TMEM117: variants seen among roughly 807,000 people sequenced by gnomAD.
The protein encoded by TMEM117 is transmembrane protein 117.
In TMEM117, 27 loss-of-function variants were observed where a neutral mutation model predicts 52.4. The ratio of observed to expected loss-of-function variants is 0.51; its 90% CI spans 0.38 to 0.71. The LOEUF (loss-of-function observed/expected upper bound fraction) is 0.71. TMEM117 is among the 30% of genes least tolerant of loss of function. TMEM117 has a pLI of 0.00. For missense variants in TMEM117, 556 were observed against 630.5 expected (o/e 0.88, Z 1.26); for synonymous variants, 215 against 206.3 (o/e 1.04, Z -0.36).
intron 6 of TMEM117, among the ~76,000 whole-genome samples, chr12:44,305,417 A>G (rs562364940): frequency 6.2e-4 from 95 of 152,278 alleles, no homozygotes; most frequent in African/African-American, 2.1e-3. Flanking sequence ...ACAGAGGTCT[A>G]ATATCTAGAA....
chr12:43,941,220 A>G (rs1945039540), intron 2 of TMEM117, among the ~76,000 whole-genome samples: 1 of 152,206 alleles, frequency 6.6e-6, no homozygotes, highest in African/African-American at 2.4e-5. Flanking sequence ...TCAGAAATGT[A>G]TCCCTCTTAG....
At chr12:43,891,898 G>T (rs1040793609) in intron 2 of TMEM117, among the ~76,000 whole-genome samples, 1 of 151,930 alleles carries the variant, frequency 6.6e-6, no homozygotes, top group South Asian at 2.1e-4. Context: ...AAACTGTCCC[G>T]TGGAAAATAT....
chr12:43,888,826 G>A (rs1379212823), intron 2 of TMEM117, among the ~76,000 whole-genome samples: 1 of 152,046 alleles, frequency 6.6e-6, no homozygotes, highest in East Asian at 1.9e-4. Flanking sequence ...GGGATTACAG[G>A]TGTGAGCCAC....
intron 2 of TMEM117, among the ~76,000 whole-genome samples, chr12:43,893,508 C>CAAAA (rs1944144912): frequency 6.6e-6 from 1 of 152,162 alleles, no homozygotes; most frequent in East Asian, 1.9e-4. Flanking sequence ...CTGCCTTTTT[C>CAAAA]AGTGCATATT....
At chr12:44,028,327 G>A (rs1946577299) in intron 3 of TMEM117, among the ~76,000 whole-genome samples, 1 of 152,166 alleles carries the variant, frequency 6.6e-6, no homozygotes, top group African/African-American at 2.4e-5. Context: ...TAAGCTTAAC[G>A]TTATTTTGTC....
chr12:44,015,085 A>G (rs1220991797), intron 3 of TMEM117, among the ~76,000 whole-genome samples: 1 of 152,164 alleles, frequency 6.6e-6, no homozygotes, highest in Non-Finnish European at 1.5e-5. Context: ...GATTTGAGAC[A>G]CAGATGATGT....
At chr12:44,265,716 C>T (rs1012670497) in intron 5 of TMEM117, among the ~76,000 whole-genome samples, 1 of 152,132 alleles carries the variant, frequency 6.6e-6, no homozygotes, top group African/African-American at 2.4e-5. Context: ...ATTTTCATCA[C>T]TCCAAAAGAA....
At chr12:43,816,430 C>T in the TMEM117 span, among the ~76,000 whole-genome samples, 55 of 152,234 alleles carry the variant, frequency 3.6e-4, no homozygotes, top group South Asian at 6.2e-4. Context: ...TTACTCACCT[C>T]CTGTCCACTA....
rs149086746 is a variant in TMEM117 at position 43,983,404 on chromosome 12, G to T, written c.410+39062G>T. On this transcript the variant is annotated intron_variant, in intron 3 of 7. Coordinates refer to ENST00000266534, the MANE Select transcript of TMEM117 (RefSeq NM_032256.3). ...AGGAAGAGGGCCATGTAGGGTCATG[G>T]ATACAGCGAGGTGTAATACACTAGG... 3.4e-4 allele frequency among the ~76,000 whole-genome samples: 51 copies of T among 152,098 alleles called. 2 individuals are homozygous for T. Among genetic ancestry groups the T allele is most frequent in the African/African-American group, 1.1e-3 (47 of 41,542 alleles).
At position 43,844,639 on chromosome 12, in the gene TMEM117, G is replaced by A; in HGVS notation, c.-13G>A. On this transcript the variant is annotated 5_prime_UTR_variant, in exon 2 of 8. Coordinates refer to ENST00000266534, the MANE Select transcript of TMEM117 (RefSeq NM_032256.3). ...TCTTATACAGGTAAACTACGAACTG[G>A]GAGTTCTGAAGAATGGGTAAAGACT... The A allele has an allele frequency of 1.2e-6, 2 of 1,609,520 alleles. No homozygotes were observed. Among genetic ancestry groups the A allele is most frequent in the Admixed American group, 3.4e-5 (2 of 59,224 alleles).
At chr12:43,950,709 C>G (rs534914927) in intron 3 of TMEM117, among the ~76,000 whole-genome samples, 2 of 152,288 alleles carry the variant, frequency 1.3e-5, no homozygotes, top group East Asian at 3.9e-4. Context: ...CAAGCATGTG[C>G]ACTAACAGAC....
chr12:44,253,835 TACACACACAC>T (rs10565033), intron 5 of TMEM117, among the ~76,000 whole-genome samples: 3,527 of 136,312 alleles, frequency 0.026, 97 homozygotes, highest in African/African-American at 0.065. Context: ...TGATAATTCC[TACACACACAC>T]ACACACACAC....
At chr12:43,972,212 A>G (rs1945599159) in intron 3 of TMEM117, among the ~76,000 whole-genome samples, 1 of 152,224 alleles carries the variant, frequency 6.6e-6, no homozygotes, top group Non-Finnish European at 1.5e-5. Flanking sequence ...CATGCATTTC[A>G]TAATAAGGCA....
rs117181959 is a variant in TMEM117, at chr12:44,144,653, A to G, written c.510+1029A>G. Among the ~76,000 whole-genome samples, 234 of 152,342 alleles carry G rather than the reference A, an allele frequency of 1.5e-3. 2 individuals are homozygous for G. In the East Asian group the frequency reaches 0.036, roughly 23 times the overall value. ...ACTGCTCCTACTGAGAACATCCAGG[A>G]AGAGTATCAAGTAACTACCAAAGGG... On this transcript the variant is annotated intron_variant, in intron 4 of 7. Transcript: ENST00000266534.
chr12:44,190,853 C>T (rs997825464), intron 4 of TMEM117, among the ~76,000 whole-genome samples: 1 of 149,128 alleles, frequency 6.7e-6, no homozygotes, highest in Admixed American at 6.7e-5. Flanking sequence ...TGTGCACTCT[C>T]TCTCTATATA....
chr12:43,859,656 C>T (rs1943456376), intron 2 of TMEM117, among the ~76,000 whole-genome samples: 3 of 151,970 alleles, frequency 2.0e-5, no homozygotes. Flanking sequence ...TATAACTGAC[C>T]TCAAGTGATC....
At chr12:43,868,671 A>G (rs1943652029) in intron 2 of TMEM117, among the ~76,000 whole-genome samples, 1 of 152,084 alleles carries the variant, frequency 6.6e-6, no homozygotes, top group Non-Finnish European at 1.5e-5. Flanking sequence ...TGATGAAGTT[A>G]TATAAAAATG....
intron 6 of TMEM117, among the ~76,000 whole-genome samples, chr12:44,322,795 G>A (rs1460173551): frequency 2.0e-5 from 3 of 152,048 alleles, no homozygotes; most frequent in African/African-American, 4.8e-5. Flanking sequence ...GGTATAGTAG[G>A]CAGAATAATG....
intron 5 of TMEM117, among the ~76,000 whole-genome samples, chr12:44,273,640 T>G (rs1950476841): frequency 6.6e-6 from 1 of 152,258 alleles, no homozygotes; most frequent in Admixed American, 6.5e-5. Context: ...GATTTAGCCC[T>G]GGGATGCCAG....
Sources: allele counts gnomAD v4.1 joint callset (sites outside exome capture counted in the v4.1 genomes callset), GRCh38; gene constraint gnomAD v4.1.1; transcripts MANE v1.5; gene names NCBI Gene and HGNC (gene_info 2026-07-23, HGNC 2026-07-21).